The following CMYA5 variants were observed in gnomAD, a reference collection of about 807,000 sequenced individuals.
CMYA5 encodes the protein cardiomyopathy-associated protein 5.
In CMYA5, 246 loss-of-function variants were observed where a neutral mutation model predicts 318.9. The ratio of observed to expected loss-of-function variants is 0.77; its 90% CI spans 0.70 to 0.86. The LOEUF (loss-of-function observed/expected upper bound fraction) is 0.86. Among genes scored for constraint, CMYA5 ranks in the 40% least tolerant of loss-of-function variants. The probability of loss-of-function intolerance (pLI) is 0.00; values close to 1 mark genes in which losing one functional copy is unlikely to be tolerated. For missense variants in CMYA5, 4,589 were observed against 4,678.2 expected (o/e 0.98, Z 0.56); for synonymous variants, 1,641 against 1,729.5 (o/e 0.95, Z 1.27).
chr5:79,756,969 A>G (rs1828541610), intron 6 of CMYA5, among the ~76,000 whole-genome samples: 1 of 152,182 alleles, frequency 6.6e-6, no homozygotes, highest in African/African-American at 2.4e-5. Context: ...AGGCGAGCGG[A>G]TCACCTGAGG....
chr5:79,746,991 C>G, intron 4 of CMYA5, 100 bp from the exon 5 acceptor site: 1 of 738,206 alleles, frequency 1.4e-6, no homozygotes, highest in South Asian at 1.7e-5. Context: ...TCTTAATGCT[C>G]CTGGTTGTTT....
At chr5:79,792,809 A>C (rs111362677) in intron 11 of CMYA5, among the ~76,000 whole-genome samples, 2 of 152,248 alleles carry the variant, frequency 1.3e-5, no homozygotes, top group African/African-American at 2.4e-5. Flanking sequence ...CTAAGGTGAG[A>C]CAAAAAGAAA....
chr5:79,784,790 C>G (rs1175582487), intron 9 of CMYA5, among the ~76,000 whole-genome samples: 1 of 148,838 alleles, frequency 6.7e-6, no homozygotes, highest in Non-Finnish European at 1.5e-5. Context: ...TCACGGTGCG[C>G]GCACACACTG....
chr5:79,771,315 A>G (rs890308888), intron 9 of CMYA5, among the ~76,000 whole-genome samples: 4 of 152,168 alleles, frequency 2.6e-5, no homozygotes, highest in South Asian at 2.1e-4. Flanking sequence ...TTAACTGTGA[A>G]AACTCATTGA....
chr5:79,694,556 C>T (rs1439990375), intron 1 of CMYA5, among the ~76,000 whole-genome samples: 2 of 152,200 alleles, frequency 1.3e-5, no homozygotes, highest in African/African-American at 2.4e-5. Flanking sequence ...CACAGCAGTA[C>T]CCAAAACTTA....
Position 79,730,000 on chromosome 5 carries a change from C to G in CMYA5, c.1235C>G (p.Ser412Cys). Residue 412 changes from serine to cysteine, a missense_variant, in exon 2 of 13, where the codon TCT becomes TGT. Coordinates refer to ENST00000446378, the MANE Select transcript of CMYA5 (RefSeq NM_153610.5). ...SPGTAASEND[S>C]SVSPSFANEV... The stretch of plus-strand genomic sequence containing the variant: ...GGAACTGCAGCTTCAGAGAATGACT[C>G]TTCAGTCTCACCATCATTTGCTAAT... 6.2e-7 allele frequency: 1 copy of G among 1,614,050 alleles called. No individual in the cohort carries two copies. Among genetic ancestry groups the G allele is most frequent in the South Asian group, 1.1e-5 (1 of 91,084 alleles).
intron 1 of CMYA5, among the ~76,000 whole-genome samples, chr5:79,725,867 G>A (rs1827738005): frequency 1.3e-5 from 2 of 152,180 alleles, no homozygotes; most frequent in Admixed American, 1.3e-4. Flanking sequence ...CTGCAACCCT[G>A]CACTCCAGCC....
intron 2 of CMYA5, among the ~76,000 whole-genome samples, chr5:79,742,983 C>G (rs1048089479): frequency 2.6e-5 from 4 of 152,008 alleles, no homozygotes; most frequent in African/African-American, 9.7e-5. Flanking sequence ...CAAGGAATAC[C>G]ATATGAAGGC....
intron 1 of CMYA5, among the ~76,000 whole-genome samples, chr5:79,715,380 C>T (rs1019041496): frequency 6.6e-5 from 10 of 152,002 alleles, no homozygotes; most frequent in Admixed American, 3.3e-4. Context: ...CTCCGCCTCC[C>T]GGGTTCACGC....
chr5:79,776,948 T>C (rs1580802196), intron 9 of CMYA5, among the ~76,000 whole-genome samples: 1 of 152,174 alleles, frequency 6.6e-6, no homozygotes, highest in Non-Finnish European at 1.5e-5. Context: ...TTGGACATGG[T>C]GGTACAGAGA....
At chr5:79,758,257 T>C in intron 6 of CMYA5, among the ~76,000 whole-genome samples, 1 of 142,254 alleles carries the variant, frequency 7.0e-6, no homozygotes, top group East Asian at 2.1e-4. Context: ...AATTGGCCGG[T>C]GTGGTGGCTC....
Position 79,729,814 on chromosome 5 carries a change from G to T in CMYA5, c.1049G>T (p.Arg350Ile). 1 of 1,613,592 alleles carries T rather than the reference G, an allele frequency of 6.2e-7. No individual in the cohort carries two copies. The highest frequency in any genetic ancestry group is 1.1e-5 in the South Asian group (1 of 90,982). Residue 350 changes from arginine (R) to isoleucine (I), a missense_variant, in exon 2 of 13, where the codon AGA becomes ATA. By Grantham distance (97) the Arg-to-Ile change is moderately conservative. Coordinates refer to ENST00000446378, the MANE Select transcript of CMYA5 (RefSeq NM_153610.5). ...HTVPSYSSSGRAEQGIQLRHS... is the reference protein window; with the variant it reads ...HTVPSYSSSGIAEQGIQLRHS... ...GTTCCCTCTTATTCAAGTAGTGGCA[G>T]AGCAGAACAAGGAATACAGCTCAGG...
At chr5:79,699,030 CACCTGTA>C (rs1239460796) in intron 1 of CMYA5, among the ~76,000 whole-genome samples, 59 of 152,156 alleles carry the variant, frequency 3.9e-4, no homozygotes, top group Non-Finnish European at 4.4e-5. Context: ...TAGTTGCGTG[CACCTGTA>C]ATCCCAGCTA....
At chr5:79,720,914 A>G (rs536572911) in intron 1 of CMYA5, among the ~76,000 whole-genome samples, 1 of 152,344 alleles carries the variant, frequency 6.6e-6, no homozygotes, top group Admixed American at 6.5e-5. Flanking sequence ...ATGAAGCACA[A>G]TAAAAAGGTT....
chr5:79,717,063 A>G (rs965177643), intron 1 of CMYA5, among the ~76,000 whole-genome samples: 2 of 152,214 alleles, frequency 1.3e-5, no homozygotes, highest in African/African-American at 4.8e-5. Flanking sequence ...ATGATGCCCC[A>G]GGCAAGCAAA....
At position 79,730,349 on chromosome 5, in the gene CMYA5, A is replaced by C. The variant is rs1023647401; in HGVS notation, c.1584A>C (p.Glu528Asp). ...AACCTGAAGATTCTAATTTAGTAGA[A>C]GAAGAGATCGTAGAACTTGATTACC... ...TPEPEDSNLV[E>D]EEIVELDYPE... The change falls in exon 2 of 13, where the codon GAA becomes GAC. Residue 528 changes from glutamate (E) to aspartate (D), a missense_variant. By Grantham distance (45) the Glu-to-Asp change is conservative. Transcript: ENST00000446378. The C allele has an allele frequency of 3.1e-6, 5 of 1,613,540 alleles. No individual in the cohort carries two copies. The highest frequency in any genetic ancestry group is 4.2e-6 in the Non-Finnish European group (5 of 1,179,766).
chr5:79,797,289 G>C (rs1424781847), intron 12 of CMYA5, among the ~76,000 whole-genome samples: 1 of 152,158 alleles, frequency 6.6e-6, no homozygotes, highest in African/African-American at 2.4e-5. Flanking sequence ...CCTCTTGGAA[G>C]TTGAAAGAGA....
In CMYA5 at chr5:79,732,169, T is replaced by C. The variant is rs1224825453; in HGVS notation, c.3404T>C (p.Val1135Ala). Reference protein sequence around the residue: ...DLIPSHLTSEVEKGEREASSS... With the variant: ...DLIPSHLTSEAEKGEREASSS... Reference sequence around the variant, plus strand: ...ATTCCTTCACATTTAACCAGTGAAGTGGAGAAGGGAGAAAGGGAGGCAAGT... The same window carrying C: ...ATTCCTTCACATTTAACCAGTGAAGCGGAGAAGGGAGAAAGGGAGGCAAGT... The change falls in exon 2 of 13, where the codon GTG becomes GCG. Residue 1135 changes from valine (V) to alanine (A), a missense_variant. Transcript: ENST00000446378. 2 of 1,613,804 alleles carry C rather than the reference T, an allele frequency of 1.2e-6. No homozygotes were observed. Among genetic ancestry groups the C allele is most frequent in the Non-Finnish European group, 8.5e-7 (1 of 1,179,840 alleles).
At chr5:79,766,057 G>A (rs919235072) in intron 9 of CMYA5, among the ~76,000 whole-genome samples, 1 of 152,032 alleles carries the variant, frequency 6.6e-6, no homozygotes, top group African/African-American at 2.4e-5. Context: ...GGGCCTCCTT[G>A]TCTTGTGCAG....
Sources: allele counts gnomAD v4.1 joint callset (sites outside exome capture counted in the v4.1 genomes callset), GRCh38; gene constraint gnomAD v4.1.1; transcripts MANE v1.5; gene names NCBI Gene and HGNC (gene_info 2026-07-23, HGNC 2026-07-21).